The following PCDHA13 variants were observed in gnomAD, a reference collection of about 807,000 sequenced individuals.
PCDHA13 encodes the protein protocadherin alpha 13.
A neutral mutation model predicts 64.8 loss-of-function variants in PCDHA13; 54 were observed. The ratio of observed to expected loss-of-function variants is 0.83; its 90% confidence interval spans 0.67 to 1.04. PCDHA13 has a LOEUF of 1.04. PCDHA13 is among the 50% of genes least tolerant of loss of function. The pLI is 0.00. For synonymous variants in PCDHA13, 587 were observed against 564.4 expected, an observed-to-expected ratio of 1.04 and a Z score of -0.57; for missense variants, 1,248 against 1,254.3, an observed-to-expected ratio of 0.99 and a Z score of 0.08.
intron 1 of PCDHA13, chr5:140,929,268 AAT>A (rs782372972): frequency 7.4e-6 from 12 of 1,611,594 alleles, no homozygotes; most frequent in Non-Finnish European, 1.0e-5. Flanking sequence ...TGAATTTGCC[AAT>A]ATCCTGTATT....
intron 1 of PCDHA13, among the ~76,000 whole-genome samples, chr5:140,964,205 T>C (rs1483183685): frequency 6.6e-6 from 1 of 152,212 alleles, no homozygotes; most frequent in Admixed American, 6.5e-5. Context: ...TACCATCTCT[T>C]TAGTACAATG....
chr5:140,920,116 C>A (rs376109883), intron 1 of PCDHA13, among the ~76,000 whole-genome samples: 72 of 152,304 alleles, frequency 4.7e-4, no homozygotes, highest in African/African-American at 1.6e-3. Context: ...ACCTTGCCAA[C>A]ATCTTGAGTT....
At chr5:140,936,762 G>A (rs190223178) in intron 1 of PCDHA13, among the ~76,000 whole-genome samples, 224 of 152,210 alleles carry the variant, frequency 1.5e-3, no homozygotes, top group Non-Finnish European at 2.6e-3. Context: ...ATATCTAATT[G>A]TGTAAGTTCT....
At chr5:140,900,575 C>A (rs994036757) in intron 1 of PCDHA13, among the ~76,000 whole-genome samples, 5 of 152,330 alleles carry the variant, frequency 3.3e-5, no homozygotes, top group African/African-American at 1.2e-4. Flanking sequence ...CGGCACCGGC[C>A]CATTTTCTTT....
intron 1 of PCDHA13, among the ~76,000 whole-genome samples, chr5:140,942,855 A>G (rs1323763970): frequency 6.6e-6 from 1 of 152,110 alleles, no homozygotes; most frequent in African/African-American, 2.4e-5. Flanking sequence ...TAAGATGATT[A>G]TTTTGCTTTA....
At position 140,883,583 on chromosome 5, in the gene PCDHA13, G is replaced by T. The variant is rs782212784; in HGVS notation, c.1315G>T (p.Ala439Ser). 4 of 1,613,916 alleles carry T rather than the reference G, an allele frequency of 2.5e-6. No homozygotes were observed. The highest frequency in any genetic ancestry group is 3.4e-6 in the Non-Finnish European group (4 of 1,179,964). Reference sequence around the variant, plus strand: ...GGGCTCGCCTTCGCTGTGGGCCACGGCCAGCGTGTCGGTGGGGGTGGCCGA... The same window carrying T: ...GGGCTCGCCTTCGCTGTGGGCCACGTCCAGCGTGTCGGTGGGGGTGGCCGA... ...DGGSPSLWAT[A>S]SVSVGVADVN... Residue 439 changes from alanine to serine, a missense_variant, in exon 1 of 4, where the codon GCC becomes TCC. By Grantham distance (99) the Ala-to-Ser change is moderately conservative. Coordinates refer to ENST00000289272, the MANE Select transcript of PCDHA13 (RefSeq NM_018904.3).
chr5:140,948,158 A>C lies in PCDHA13; in HGVS notation c.2395-30791A>C, dbSNP rs191151506. On this transcript the variant is annotated intron_variant, in intron 1 of 3. Transcript: ENST00000289272. The stretch of plus-strand genomic sequence containing the variant: ...TAATTGATTTTTGAATGTTGGAAAA[A>C]ACCTTCCATTCCTAGGGTAAATCCC... Among the ~76,000 whole-genome samples the C allele has an allele frequency of 2.8e-3, 418 of 151,676 alleles. 1 individual carries two copies. The highest frequency in any genetic ancestry group is 0.014 in the Middle Eastern group (4 of 294).
chr5:140,954,536 T>C (rs1438016822), intron 1 of PCDHA13, among the ~76,000 whole-genome samples: 3 of 152,248 alleles, frequency 2.0e-5, no homozygotes, highest in African/African-American at 7.2e-5. Flanking sequence ...GTTGAGGTTT[T>C]TTTCATATGT....
chr5:140,996,141 A>G (rs1238682290), intron 3 of PCDHA13, among the ~76,000 whole-genome samples: 1 of 152,182 alleles, frequency 6.6e-6, no homozygotes, highest in Admixed American at 6.5e-5. Context: ...TTCTCCCATT[A>G]TCTTGCCTTC....
intron 1 of PCDHA13, among the ~76,000 whole-genome samples, chr5:140,935,509 C>T (rs2090411551): frequency 6.6e-6 from 1 of 152,080 alleles, no homozygotes; most frequent in Admixed American, 6.6e-5. Context: ...TTACAAATGC[C>T]CAGTAGGCAT....
chr5:140,904,747 A>T (rs1462923024), intron 1 of PCDHA13, among the ~76,000 whole-genome samples: 1 of 151,918 alleles, frequency 6.6e-6, no homozygotes, highest in Non-Finnish European at 1.5e-5. Context: ...TATTATGACC[A>T]TTTTTGCAAG....
chr5:140,895,687 T>G (rs1417809630), intron 1 of PCDHA13, among the ~76,000 whole-genome samples: 2 of 152,184 alleles, frequency 1.3e-5, no homozygotes, highest in African/African-American at 4.8e-5. Flanking sequence ...GTTTTCTGTT[T>G]CTATATTAAT....
intron 1 of PCDHA13, among the ~76,000 whole-genome samples, chr5:140,938,233 A>AC (rs1329361250): frequency 6.6e-6 from 1 of 152,210 alleles, no homozygotes; most frequent in African/African-American, 2.4e-5. Context: ...GGCATAGGCC[A>AC]CCATGCCTGG....
chr5:140,924,942 GT>G (rs1180985667), intron 1 of PCDHA13, among the ~76,000 whole-genome samples: 3 of 120,862 alleles, frequency 2.5e-5, no homozygotes, highest in African/African-American at 8.7e-5. Context: ...AAAATAAAAA[GT>G]TAAAAAAAAA....
chr5:140,963,300 TAAG>T (rs1387833703), intron 1 of PCDHA13, among the ~76,000 whole-genome samples: 2 of 152,120 alleles, frequency 1.3e-5, no homozygotes, highest in African/African-American at 4.8e-5. Flanking sequence ...GGAGAGAAAA[TAAG>T]AAGCTGTTTG....
chr5:140,944,569 G>A (rs2093670092), intron 1 of PCDHA13, among the ~76,000 whole-genome samples: 1 of 152,158 alleles, frequency 6.6e-6, no homozygotes, highest in African/African-American at 2.4e-5. Context: ...GCAACTTACT[G>A]TAGAGATCAC....
At chr5:140,997,910 A>T (rs2097790102) in intron 3 of PCDHA13, among the ~76,000 whole-genome samples, 2 of 152,234 alleles carry the variant, frequency 1.3e-5, no homozygotes. Flanking sequence ...AAGTAGAATT[A>T]CAGAATCATA....
At chr5:140,968,715 A>T (rs2096265469) in intron 1 of PCDHA13, 1 of 1,614,014 alleles carries the variant, frequency 6.2e-7, no homozygotes, top group South Asian at 1.1e-5. Flanking sequence ...AAGATGGGAG[A>T]TGAGAGTGGT....
chr5:140,888,270 G>A (rs965190959), intron 1 of PCDHA13, among the ~76,000 whole-genome samples: 9 of 152,102 alleles, frequency 5.9e-5, no homozygotes. Flanking sequence ...ATAAGAAACA[G>A]TTTTGTCCCC....
Sources: gnomAD v4.1 joint callset for allele counts (sites outside exome capture counted in the v4.1 genomes callset) on GRCh38, gnomAD v4.1.1 for gene constraint, MANE v1.5 for transcripts, NCBI Gene and HGNC (gene_info 2026-07-23, HGNC 2026-07-21) for gene names.